The following SERPINB11 variants were observed in gnomAD, a reference collection of about 807,000 sequenced individuals.
SERPINB11 encodes serpin B11.
A neutral mutation model predicts 36.7 loss-of-function variants in SERPINB11; 32 were observed. That is an observed-to-expected ratio of 0.87 (90% confidence interval 0.66 to 1.17). SERPINB11 has a LOEUF of 1.17. Ranked by LOEUF, SERPINB11 falls within the 50% of genes most tolerant of loss-of-function variation. The pLI is 0.00. For missense variants in SERPINB11, 528 were observed against 458.4 expected (o/e 1.15, Z -1.39); for synonymous variants, 174 against 168.1 (o/e 1.04, Z -0.27).
At chr18:63,706,831 C>T (rs773664733) in intron 1 of SERPINB11, among the ~76,000 whole-genome samples, 30 of 152,152 alleles carry the variant, frequency 2.0e-4, no homozygotes, top group Non-Finnish European at 3.8e-4. Context: ...TTATCGAGGA[C>T]GCAAGTTCTG....
intron 2 of SERPINB11, 31 bp from the exon 3 acceptor site, chr18:63,711,304 T>C: frequency 2.0e-6 from 3 of 1,500,596 alleles, no homozygotes; most frequent in Non-Finnish European, 9.3e-7. Context: ...TTGCTTCTGA[T>C]GCCAAAAGAT....
chr18:63,721,360 A>G (rs969918634), intron 7 of SERPINB11, among the ~76,000 whole-genome samples: 1 of 152,144 alleles, frequency 6.6e-6, no homozygotes, highest in African/African-American at 2.4e-5. Flanking sequence ...CTCTGGGGGC[A>G]GTATTTCTGA....
intron 1 of SERPINB11, chr18:63,705,495 T>C (rs1914349136): frequency 6.6e-6 from 1 of 152,198 alleles, no homozygotes; most frequent in Admixed American, 6.5e-5. Context: ...AGAAAGGAAA[T>C]GAACTGGGTC....
intron 5 of SERPINB11, among the ~76,000 whole-genome samples, chr18:63,719,805 G>A (rs994033721): frequency 1.3e-5 from 2 of 152,078 alleles, no homozygotes; most frequent in Non-Finnish European, 2.9e-5. Context: ...GCCGTCTTAT[G>A]ATTAAATAAT....
At chr18:63,718,793 C>T (rs1384771376) in intron 5 of SERPINB11, among the ~76,000 whole-genome samples, 1 of 151,842 alleles carries the variant, frequency 6.6e-6, no homozygotes, top group Non-Finnish European at 1.5e-5. Flanking sequence ...TAATAGGTGA[C>T]CAGATTAAAA....
chr18:63,709,797 T>A (rs1375600385), intron 1 of SERPINB11, among the ~76,000 whole-genome samples: 1 of 152,180 alleles, frequency 6.6e-6, no homozygotes, highest in Non-Finnish European at 1.5e-5. Context: ...TGATCGTGTG[T>A]AGCTCAAGAT....
rs367782040 is a variant in SERPINB11 at position 63,721,726 on chromosome 18, G to A, written c.774+740G>A. On this transcript the variant is annotated intron_variant, in intron 7 of 7. Coordinates refer to ENST00000544088, the MANE Select transcript of SERPINB11 (RefSeq NM_001370475.1). ...GCACAGGTGAGCAAAGTGTGTGTGT[G>A]TCGGGTGGTAGGGAAGGCTTCTTGA... is the stretch of plus-strand genomic sequence containing the variant. Among the ~76,000 whole-genome samples the A allele has an allele frequency of 3.3e-5, 5 of 152,152 alleles. No individual in the cohort carries two copies. The South Asian group carries it at 8.3e-4, about 25-fold the overall frequency.
In SERPINB11 at chr18:63,711,390, C is replaced by T. The variant is rs1240493765; in HGVS notation, c.224C>T (p.Pro75Leu). ...DSLKPGFKDS[P>L]KCSQAGRIHS... ...TTAAAACCAGGGTTCAAGGACTCACCTAAGGTATGATAATATTACTGAGTT... is the reference window on the plus strand; with the variant it reads ...TTAAAACCAGGGTTCAAGGACTCACTTAAGGTATGATAATATTACTGAGTT... The change falls in exon 3 of 8, where the codon CCT (proline) becomes CTT (leucine). Residue 75 changes from proline to leucine, a missense_variant. Physicochemically the swap from Pro to Leu is moderately conservative, Grantham distance 98. Transcript: ENST00000544088. The T allele has an allele frequency of 6.3e-7, 1 of 1,598,708 alleles. No individual in the cohort carries two copies. Among genetic ancestry groups the T allele is most frequent in the South Asian group, 1.1e-5 (1 of 90,662 alleles).
At chr18:63,712,476 C>T (rs1914550911) in intron 3 of SERPINB11, 89 bp from the exon 4 acceptor site, 3 of 1,388,582 alleles carry the variant, frequency 2.2e-6, no homozygotes, top group Non-Finnish European at 3.0e-6. Flanking sequence ...TATTCAGAGG[C>T]AAACACCTTG....
At chr18:63,706,869 T>A (rs1449134795) in intron 1 of SERPINB11, among the ~76,000 whole-genome samples, 2 of 152,184 alleles carry the variant, frequency 1.3e-5, no homozygotes, top group Admixed American at 6.6e-5. Context: ...AAATCCTGGG[T>A]TATCCTCTTA....
At position 63,723,518 on chromosome 18, in the gene SERPINB11, C is replaced by T. The variant is rs1914883665; in HGVS notation, c.*119C>T. ...CACCTCTGTGCCTCAGTTTGCTCAT[C>T]TGCAAAATAGGTCTAGGATTTCTTC... On this transcript the variant is annotated 3_prime_UTR_variant, in exon 8 of 8. Coordinates refer to ENST00000544088, the MANE Select transcript of SERPINB11 (RefSeq NM_001370475.1). 1.1e-6 allele frequency: 1 copy of T among 882,534 alleles called. No individual in the cohort carries two copies. The highest frequency in any genetic ancestry group is 1.7e-6 in the Non-Finnish European group (1 of 575,608). The allele number at this position is 882,534 out of a possible 1,614,324, so 54.7% of individuals were successfully genotyped here.
chr18:63,703,838 C>T (rs1914301834), intron 1 of SERPINB11, among the ~76,000 whole-genome samples: 1 of 152,244 alleles, frequency 6.6e-6, no homozygotes, highest in African/African-American at 2.4e-5. Context: ...TTCCCTTCCA[C>T]ACGTATCCCA....
At chr18:63,716,792 G>C in intron 5 of SERPINB11, among the ~76,000 whole-genome samples, 1 of 128,202 alleles carries the variant, frequency 7.8e-6, no homozygotes, top group East Asian at 3.0e-4. Context: ...TCCCCAGTTG[G>C]CTCTTTTTTT....
At chr18:63,710,046 G>A (rs951387622) in intron 1 of SERPINB11, 133 bp from the exon 2 acceptor site, 48 of 564,138 alleles carry the variant, frequency 8.5e-5, no homozygotes, top group Non-Finnish European at 1.2e-4. Flanking sequence ...CTCAGAAATT[G>A]TGATAAGGGT....
chr18:63,706,539 A>C (rs1231833200), intron 1 of SERPINB11, among the ~76,000 whole-genome samples: 3 of 152,198 alleles, frequency 2.0e-5, no homozygotes, highest in African/African-American at 7.2e-5. Context: ...AGAAGATAGG[A>C]GGTAAAAGAA....
chr18:63,712,766 G>T lies in SERPINB11; in HGVS notation c.357+73G>T, dbSNP rs964284567. The T allele has an allele frequency of 3.4e-6, 5 of 1,460,126 alleles. No homozygotes were observed. The African/African-American group carries it at 4.2e-5, about 12-fold the overall frequency. 90.4% of individuals were successfully genotyped at this position (1,460,126 alleles called of 1,614,324 possible). ...AATTTCATACCCCAAAATTGATGAA[G>T]AGTGAGAAGAGTCACATGACATTTA... is the stretch of plus-strand genomic sequence containing the variant. On this transcript the variant is annotated intron_variant, in intron 4 of 7. Transcript: ENST00000544088.
At chr18:63,706,010 A>T (rs1408839946) in intron 1 of SERPINB11, among the ~76,000 whole-genome samples, 1 of 152,228 alleles carries the variant, frequency 6.6e-6, no homozygotes, top group Non-Finnish European at 1.5e-5. Flanking sequence ...AAGGTACAGA[A>T]TTGTATTTTA....
At chr18:63,707,709 A>C (rs1033289009) in intron 1 of SERPINB11, among the ~76,000 whole-genome samples, 1 of 152,202 alleles carries the variant, frequency 6.6e-6, no homozygotes, top group East Asian at 1.9e-4. Context: ...ATCACACAGT[A>C]CTTATTGGAT....
chr18:63,713,394 C>T (rs1914580148), intron 4 of SERPINB11, among the ~76,000 whole-genome samples: 2 of 152,104 alleles, frequency 1.3e-5, no homozygotes, highest in South Asian at 4.1e-4. Flanking sequence ...AATGGCAAAA[C>T]CTGGATTTAA....
Sources: gnomAD v4.1 joint callset for allele counts (sites outside exome capture counted in the v4.1 genomes callset) on GRCh38, gnomAD v4.1.1 for gene constraint, MANE v1.5 for transcripts, NCBI Gene and HGNC (gene_info 2026-07-23, HGNC 2026-07-21) for gene names.